The following SDK2 variants were observed in gnomAD, a reference collection of about 807,000 sequenced individuals.
The protein encoded by SDK2 is protein sidekick-2.
In SDK2, 105 loss-of-function variants were observed where a neutral mutation model predicts 253.9. That is an observed-to-expected ratio of 0.41 (90% CI 0.35 to 0.49). The LOEUF is 0.49. SDK2 is among the 20% of genes least tolerant of loss of function. SDK2 has a pLI of 0.06. For synonymous variants in SDK2, 1,249 were observed against 1,234.9 expected, an observed-to-expected ratio of 1.01 and a Z score of -0.24; for missense variants, 2,608 against 3,003.0, an observed-to-expected ratio of 0.87 and a Z score of 3.07.
rs563991505 is a variant in SDK2 at position 73,422,395 on chromosome 17, T to C, written c.1937A>G (p.Lys646Arg). ...GCCCTTGACTGTCACTGAGGTAGCT[T>C]TGGGGTCCACACTGGCCAGGAGTAC... is the stretch of plus-strand genomic sequence containing the variant. ...WTVLLASVDP[K>R]ATSVTVKGLV... Residue 646 changes from lysine to arginine, a missense_variant, in exon 15 of 45, where the codon AAA (lysine) becomes AGA (arginine). Around this residue, in one of 2 missense-constraint regions of SDK2, gnomAD observed 1,505 missense variants for 1,859.1 expected, o/e 0.81. Coordinates refer to ENST00000392650, the MANE Select transcript of SDK2 (RefSeq NM_001144952.2). 2.5e-6 allele frequency: 4 copies of C among 1,613,822 alleles called. No homozygotes were observed. The highest frequency in any genetic ancestry group is 2.2e-5 in the South Asian group (2 of 91,072).
chr17:73,431,707 C>T lies in SDK2; in HGVS notation c.1313-38G>A. ...CAGGGTGGGGGTCAGCCTGTAGCCC[C>T]CAAGGGCACACCCTGCCCTTCCCTG... On this transcript the variant is annotated intron_variant, in intron 10 of 44. Coordinates refer to ENST00000392650, the MANE Select transcript of SDK2 (RefSeq NM_001144952.2). This position sits in a 1 kb window ranked among gnomAD's most constrained non-coding sequence, Gnocchi z 5.6. 6.4e-7 allele frequency: 1 copy of T among 1,558,378 alleles called. No homozygotes were observed. Among genetic ancestry groups the T allele is most frequent in the African/African-American group, 1.4e-5 (1 of 73,590 alleles).
chr17:73,577,981 C>T (rs899608799), intron 1 of SDK2, among the ~76,000 whole-genome samples: 1 of 151,660 alleles, frequency 6.6e-6, no homozygotes, highest in Non-Finnish European at 1.5e-5. Flanking sequence ...AACGACGTGG[C>T]AGGAGAGCAG....
rs2045991228 is a variant in SDK2 at position 73,612,626 on chromosome 17, T to C, written c.64+31399A>G. Among the ~76,000 whole-genome samples, 1 of 151,920 alleles carries C rather than the reference T, an allele frequency of 6.6e-6. No individual in the cohort carries two copies. ...CCAGAGAGCCAAATAATAATAATAATAGTAACAGTAGGCCAGGCGAGGTGG... is the reference window on the plus strand; with the variant it reads ...CCAGAGAGCCAAATAATAATAATAACAGTAACAGTAGGCCAGGCGAGGTGG... On this transcript the variant is annotated intron_variant, in intron 1 of 44. Coordinates refer to ENST00000392650, the MANE Select transcript of SDK2 (RefSeq NM_001144952.2). This position sits in a 1 kb window ranked among gnomAD's most constrained non-coding sequence, Gnocchi z 4.4.
intron 44 of SDK2, among the ~76,000 whole-genome samples, chr17:73,344,662 G>A (rs745589339): frequency 6.6e-5 from 10 of 152,168 alleles, no homozygotes; most frequent in Admixed American, 1.3e-4. Context: ...GCCTCTCCCC[G>A]GCCTGTCTCT....
At chr17:73,480,985 C>T (rs1252525262) in intron 2 of SDK2, among the ~76,000 whole-genome samples, 1 of 152,240 alleles carries the variant, frequency 6.6e-6, no homozygotes. Flanking sequence ...GTGACAGGCA[C>T]AGCCTGTTCT....
chr17:73,522,937 A>G (rs1047379748), intron 1 of SDK2, among the ~76,000 whole-genome samples: 1 of 152,190 alleles, frequency 6.6e-6, no homozygotes, highest in African/African-American at 2.4e-5. Context: ...GAGGCTGGAC[A>G]TCAGGGAAAG....
At chr17:73,559,736 T>A (rs918754585) in intron 1 of SDK2, among the ~76,000 whole-genome samples, 1 of 152,082 alleles carries the variant, frequency 6.6e-6, no homozygotes, top group Non-Finnish European at 1.5e-5. Context: ...CTTTCTTTTC[T>A]TCCCTACCTC....
At position 73,387,786 on chromosome 17, in the gene SDK2, C is replaced by A. The variant is rs1418029009; in HGVS notation, c.4394+50G>T. ...TACCCAGTGGAGGAGCACCGCTGGTCCCGGCGGGGAGAGGGGCAGTGGGGA... is the reference window on the plus strand; with the variant it reads ...TACCCAGTGGAGGAGCACCGCTGGTACCGGCGGGGAGAGGGGCAGTGGGGA... On this transcript the variant is annotated intron_variant, in intron 30 of 44. Transcript: ENST00000392650. 4 of 1,473,102 alleles carry A rather than the reference C, an allele frequency of 2.7e-6. No homozygotes were observed. In the African/African-American group the frequency reaches 5.6e-5, roughly 20 times the overall value. 91.3% of individuals were successfully genotyped at this position (1,473,102 alleles called of 1,614,324 possible).
intron 18 of SDK2, among the ~76,000 whole-genome samples, chr17:73,413,578 C>A (rs2063156445): frequency 6.6e-6 from 1 of 151,946 alleles, no homozygotes; most frequent in Admixed American, 6.6e-5. Flanking sequence ...TTATAGCAGC[C>A]CAAATGCATT....
At chr17:73,585,664 C>A (rs1372210120) in intron 1 of SDK2, among the ~76,000 whole-genome samples, 1 of 152,198 alleles carries the variant, frequency 6.6e-6, no homozygotes, top group African/African-American at 2.4e-5. Context: ...CTGACTACCC[C>A]CTACACTCAG....
intron 1 of SDK2, among the ~76,000 whole-genome samples, chr17:73,551,205 T>C (rs2045052523): frequency 6.6e-6 from 1 of 152,068 alleles, no homozygotes; most frequent in African/African-American, 2.4e-5. Flanking sequence ...CCTCCCACAC[T>C]GTTGGGTGAT....
At chr17:73,438,278 G>T in intron 6 of SDK2, 124 bp from the exon 7 acceptor site, 1 of 827,160 alleles carries the variant, frequency 1.2e-6, no homozygotes, top group Non-Finnish European at 1.9e-6. Context: ...CCACCTTCCT[G>T]CCACTTTGTA....
Position 73,572,943 on chromosome 17 carries a change from T to G in SDK2, c.65-65346A>C, listed in dbSNP as rs139793704. Among the ~76,000 whole-genome samples the G allele has an allele frequency of 7.6e-4, 116 of 152,300 alleles. 1 individual carries two copies. The East Asian group carries it at 0.016, about 21-fold the overall frequency. On this transcript the variant is annotated intron_variant, in intron 1 of 44. Transcript: ENST00000392650. ...GCTCACTTGTAATGGCGCCTTCTTA[T>G]CTCTTTCTTCCTGGACCAGGAAGCA...
chr17:73,630,706 G>T (rs1034091742), intron 1 of SDK2, among the ~76,000 whole-genome samples: 3 of 152,158 alleles, frequency 2.0e-5, no homozygotes, highest in Admixed American at 1.3e-4. Flanking sequence ...CCGGGGAGGT[G>T]GCAGGCCTGG....
At chr17:73,370,890 CCT>C (rs2145443127) in intron 36 of SDK2, among the ~76,000 whole-genome samples, 1 of 152,102 alleles carries the variant, frequency 6.6e-6, no homozygotes, top group Non-Finnish European at 1.5e-5. Flanking sequence ...TGGCAAGACC[CCT>C]GTCTCTACTA....
At chr17:73,483,680 TATTTATATATATATATATATATA>T in intron 2 of SDK2, among the ~76,000 whole-genome samples, 1 of 63,440 alleles carries the variant, frequency 1.6e-5, no homozygotes, top group Non-Finnish European at 2.9e-5. Flanking sequence ...TATATATATA[TATTTATATATATATATATATATA>T]TATATTTTTT....
At chr17:73,525,098 G>A (rs1363394240) in intron 1 of SDK2, among the ~76,000 whole-genome samples, 3 of 152,186 alleles carry the variant, frequency 2.0e-5, no homozygotes, top group African/African-American at 4.8e-5. Flanking sequence ...GATGAGGCTC[G>A]TCTCTGCCCA....
chr17:73,494,758 G>C lies in SDK2; in HGVS notation c.224+12680C>G, dbSNP rs75503842. 3.4e-3 allele frequency among the ~76,000 whole-genome samples: 511 copies of C among 152,254 alleles called. 3 individuals are homozygous for C. Among genetic ancestry groups the C allele is most frequent in the African/African-American group, 0.011 (467 of 41,556 alleles). ...CCCTGCCTTTCCCTGCTACTGACTA[G>C]CAAATCCTGAGGCCACACTCGGTCC... is the stretch of plus-strand genomic sequence containing the variant. On this transcript the variant is annotated intron_variant, in intron 2 of 44. Transcript: ENST00000392650.
intron 29 of SDK2, 79 bp from the exon 30 acceptor site, chr17:73,388,116 AAGG>A: frequency 3.0e-6 from 3 of 1,004,288 alleles, no homozygotes; most frequent in South Asian, 2.9e-5. Context: ...CGAGGGAGGA[AAGG>A]AGGTGATCTG....
Sources: gnomAD v4.1 joint callset for allele counts (sites outside exome capture counted in the v4.1 genomes callset) on GRCh38, gnomAD v4.1.1 for gene constraint, gnomAD v4.1.1 regional missense constraint, Gnocchi (gnomAD v3.1) non-coding constraint, MANE v1.5 for transcripts, NCBI Gene and HGNC (gene_info 2026-07-23, HGNC 2026-07-21) for gene names.